ZNF84: variants seen among roughly 807,000 people sequenced by gnomAD.
The protein encoded by ZNF84 is zinc finger protein 84.
In ZNF84, 12 loss-of-function variants were observed where a neutral mutation model predicts 14.8. The observed-to-expected ratio is 0.81, with a 90% confidence interval of 0.52 to 1.31. ZNF84 has a LOEUF of 1.31. Among genes scored for constraint, ZNF84 ranks in the 50% most tolerant of loss-of-function variants. ZNF84 has a pLI of 0.00. For missense variants in ZNF84, 859 were observed against 878.6 expected (o/e 0.98, Z 0.28); for synonymous variants, 347 against 291.1 (o/e 1.19, Z -1.96).
rs1430531063 is a variant in ZNF84 at position 133,058,664 on chromosome 12, C to G, written c.1949C>G (p.Thr650Arg). 3.1e-6 allele frequency: 5 copies of G among 1,614,134 alleles called. No individual in the cohort carries two copies. The highest frequency in any genetic ancestry group is 3.3e-5 in the Admixed American group (2 of 60,020). ...SSLINHQRIH[T>R]GEKPFECSEC... ...CTCATCAATCATCAGAGAATACATA[C>G]AGGAGAGAAGCCTTTTGAATGCAGT... Residue 650 changes from threonine to arginine, a missense_variant, in exon 5 of 5, where the codon ACA becomes AGA. Coordinates refer to ENST00000539354, the MANE Select transcript of ZNF84 (RefSeq NM_001289971.2).
Position 133,048,031 on chromosome 12 carries a change from A to G in ZNF84, c.92A>G (p.Asn31Ser). 1 of 1,614,064 alleles carries G rather than the reference A, an allele frequency of 6.2e-7. No homozygotes were observed. The highest frequency in any genetic ancestry group is 8.5e-7 in the Non-Finnish European group (1 of 1,179,950). Residue 31 changes from asparagine (N) to serine (S), a missense_variant, in exon 3 of 5, where the codon AAT (asparagine) becomes AGT (serine). Asn to Ser is a conservative substitution (Grantham distance 46, BLOSUM62 1). Coordinates refer to ENST00000539354, the MANE Select transcript of ZNF84 (RefSeq NM_001289971.2). The part of the protein sequence containing the change: ...EWQLLDPSQK[N>S]LYKDVMLENY... ...CAGCTACTGGATCCCTCTCAGAAGA[A>G]TTTATACAAGGATGTGATGTTGGAG...
At chr12:133,048,458 A>C (rs1447340546) in intron 3 of ZNF84, 1 of 296,676 alleles carries the variant, frequency 3.4e-6, no homozygotes, top group African/African-American at 2.1e-5. Context: ...TTTCCTGATG[A>C]GAAGATCGAG....
rs890435429 is a variant in ZNF84 at position 133,061,588 on chromosome 12, A to G, written c.*2656A>G. On this transcript the variant is annotated 3_prime_UTR_variant, in exon 5 of 5. Coordinates refer to ENST00000539354, the MANE Select transcript of ZNF84 (RefSeq NM_001289971.2). Reference sequence around the variant, plus strand: ...TGTTGTACTTTGTGATTTTTGCCCTATTTTTTCTTTCCATCTATCACCATT... The same window carrying G: ...TGTTGTACTTTGTGATTTTTGCCCTGTTTTTTCTTTCCATCTATCACCATT... 36 of 152,240 alleles carry G rather than the reference A, an allele frequency of 2.4e-4. No homozygotes were observed. The highest frequency in any genetic ancestry group is 6.5e-4 in the African/African-American group (27 of 41,542). 9.4% of individuals were successfully genotyped at this position (152,240 alleles called of 1,614,324 possible). A position where few individuals can be genotyped will look rare whatever the true frequency, so the allele number is the denominator to read the frequency against.
chr12:133,058,143 A>G lies in ZNF84; in HGVS notation c.1428A>G (p.Arg476=). The G allele has an allele frequency of 6.2e-7, 1 of 1,613,980 alleles. No individual in the cohort carries two copies. The highest frequency in any genetic ancestry group is 8.5e-7 in the Non-Finnish European group (1 of 1,180,004). ...TCAGCAGGAAATCACAGCTCGTTAG[A>G]CATCAGAGAACTCATACGGGAGAAA... ...KAFSRKSQLV[R]HQRTHTGEKP... Residue 476 remains arginine (R), a synonymous_variant, in exon 5 of 5, where the codon AGA becomes AGG. Coordinates refer to ENST00000539354, the MANE Select transcript of ZNF84 (RefSeq NM_001289971.2).
At position 133,061,755 on chromosome 12, in the gene ZNF84, A is replaced by T. The variant is rs1347108557; in HGVS notation, c.*2823A>T. The T allele has an allele frequency of 1.3e-5, 2 of 152,240 alleles. No individual in the cohort carries two copies. The highest frequency in any genetic ancestry group is 6.5e-5 in the Admixed American group (1 of 15,288). 9.4% of individuals were successfully genotyped at this position (152,240 alleles called of 1,614,324 possible). ...GCCTATTGATTGCCCAAGAACAAAC[A>T]TTTTTTTCTAAATGTCAGGTGTTAT... On this transcript the variant is annotated 3_prime_UTR_variant, in exon 5 of 5. Coordinates refer to ENST00000539354, the MANE Select transcript of ZNF84 (RefSeq NM_001289971.2).
chr12:133,051,014 T>G (rs1387808246), intron 4 of ZNF84, among the ~76,000 whole-genome samples: 1 of 152,176 alleles, frequency 6.6e-6, no homozygotes, highest in Non-Finnish European at 1.5e-5. Context: ...CTCAAATTCC[T>G]GGGCTGAAGT....
At chr12:133,041,007 CCT>C (rs1953877417) in intron 1 of ZNF84, 1 of 160,380 alleles carries the variant, frequency 6.2e-6, no homozygotes, top group African/African-American at 2.4e-5. Context: ...CCTAACAGCA[CCT>C]GTTAAACTGA....
At chr12:133,053,066 C>T (rs1371929536) in intron 4 of ZNF84, among the ~76,000 whole-genome samples, 1 of 152,086 alleles carries the variant, frequency 6.6e-6, no homozygotes, top group African/African-American at 2.4e-5. Flanking sequence ...AAAGTAAAAT[C>T]TGATTTAGAA....
At chr12:133,040,391 G>C (rs1953865827) in intron 1 of ZNF84, 1 of 151,722 alleles carries the variant, frequency 6.6e-6, no homozygotes, top group African/African-American at 2.4e-5. Flanking sequence ...GCGAGATCCT[G>C]TCTCTACAAA....
rs1379468810 is a variant in ZNF84 at position 133,062,375 on chromosome 12, C to T, written c.*3443C>T. ...GACATAAAATGCACCCACAGAATGC[C>T]GTATTTATCAAAAGTAACTTTCTAG... is the stretch of plus-strand genomic sequence containing the variant. On this transcript the variant is annotated 3_prime_UTR_variant, in exon 5 of 5. Coordinates refer to ENST00000539354, the MANE Select transcript of ZNF84 (RefSeq NM_001289971.2). The T allele has an allele frequency of 4.6e-5, 7 of 152,248 alleles. No homozygotes were observed. Among genetic ancestry groups the T allele is most frequent in the Middle Eastern group, 3.4e-3 (1 of 294 alleles). The allele number at this position is 152,248 out of a possible 1,614,324, so 9.4% of individuals were successfully genotyped here.
At chr12:133,044,439 G>A (rs1386532858) in intron 2 of ZNF84, among the ~76,000 whole-genome samples, 2 of 151,790 alleles carry the variant, frequency 1.3e-5, no homozygotes. Context: ...ATAGGCATGA[G>A]CCAGCACACC....
At chr12:133,049,124 C>G (rs1465046508) in intron 4 of ZNF84, among the ~76,000 whole-genome samples, 1 of 152,186 alleles carries the variant, frequency 6.6e-6, no homozygotes, top group African/African-American at 2.4e-5. Context: ...GACGTAGCTT[C>G]TTTGTAGCTT....
At chr12:133,053,711 C>G (rs1954107396) in intron 4 of ZNF84, among the ~76,000 whole-genome samples, 1 of 152,086 alleles carries the variant, frequency 6.6e-6, no homozygotes, top group African/African-American at 2.4e-5. Context: ...CCACTAAACT[C>G]CAGCCTGAGT....
intron 2 of ZNF84, among the ~76,000 whole-genome samples, chr12:133,043,807 G>A (rs1361873059): frequency 6.6e-6 from 1 of 152,072 alleles, no homozygotes; most frequent in Non-Finnish European, 1.5e-5. Context: ...AGGCTGGAGT[G>A]CAGTGGCACA....
rs1311514588 is a variant in ZNF84, at chr12:133,062,855, A to G, written c.*3923A>G. 3.9e-6 allele frequency: 2 copies of G among 510,246 alleles called. No homozygotes were observed. The highest frequency in any genetic ancestry group is 3.8e-5 in the African/African-American group (2 of 52,724). The allele number at this position is 510,246 out of a possible 1,614,324, so 31.6% of individuals were successfully genotyped here. ...TCTGTGAACAACTTGTAGTTCCTTG[A>G]GATTTCTATTATCACTTATGTTTTT... On this transcript the variant is annotated 3_prime_UTR_variant, in exon 5 of 5. Coordinates refer to ENST00000539354, the MANE Select transcript of ZNF84 (RefSeq NM_001289971.2).
chr12:133,040,544 C>T (rs1045479960), intron 1 of ZNF84: 30 of 141,630 alleles, frequency 2.1e-4, no homozygotes, highest in African/African-American at 7.9e-4. Context: ...TGCATGCCAG[C>T]CTGGGTTAGG....
chr12:133,046,037 A>G (rs1299275747), intron 2 of ZNF84, among the ~76,000 whole-genome samples: 1 of 151,482 alleles, frequency 6.6e-6, no homozygotes, highest in Non-Finnish European at 1.5e-5. Context: ...GTGAGGGTCA[A>G]ATTTATTTTT....
At chr12:133,056,192 A>T in intron 4 of ZNF84, among the ~76,000 whole-genome samples, 1 of 152,292 alleles carries the variant, frequency 6.6e-6, no homozygotes, top group Non-Finnish European at 1.5e-5. Context: ...TTGTTGTTTT[A>T]AAAATATTAT....
rs1954206149 is a variant in ZNF84 at position 133,058,727 on chromosome 12, T to C, written c.2012T>C (p.Ile671Thr). ...GCTTTCTCTCGGAAGTCACACCTTA[T>C]ACCACATCAAAGGACACATACGGGT... The part of the protein sequence containing the change: ...GKAFSRKSHL[I>T]PHQRTHTGEK... Residue 671 changes from isoleucine to threonine, a missense_variant, in exon 5 of 5, where the codon ATA (isoleucine) becomes ACA (threonine). Ile to Thr is a moderately conservative substitution (Grantham distance 89). Coordinates refer to ENST00000539354, the MANE Select transcript of ZNF84 (RefSeq NM_001289971.2). The C allele has an allele frequency of 8.1e-6, 13 of 1,613,836 alleles. No individual in the cohort carries two copies. Among genetic ancestry groups the C allele is most frequent in the South Asian group, 1.1e-5 (1 of 91,074 alleles).
Sources: gnomAD v4.1 joint callset for allele counts (sites outside exome capture counted in the v4.1 genomes callset) on GRCh38, gnomAD v4.1.1 for gene constraint, MANE v1.5 for transcripts, NCBI Gene and HGNC (gene_info 2026-07-23, HGNC 2026-07-21) for gene names.